S100Z: variants seen among roughly 807,000 people sequenced by gnomAD.
S100Z encodes the protein S100 calcium binding protein Z.
S100Z carries 11 observed loss-of-function variants against 8.5 expected under a neutral mutation model. That is an observed-to-expected ratio of 1.30 (90% CI 0.82 to 2.15). S100Z has a LOEUF of 2.15. S100Z is among the 30% of genes most tolerant of loss of function. The pLI, the probability that S100Z is intolerant of heterozygous loss-of-function variation, is 0.00. For synonymous variants in S100Z, 34 were observed against 43.8 expected, an observed-to-expected ratio of 0.78 and a Z score of 0.89; for missense variants, 126 against 117.9, an observed-to-expected ratio of 1.07 and a Z score of -0.32.
chr5:76,945,757 A>G, the S100Z span, among the ~76,000 whole-genome samples: 23 of 152,330 alleles, frequency 1.5e-4, no homozygotes, highest in African/African-American at 5.3e-4. Context: ...TGAGACAGTG[A>G]AAATAGTAAT....
intron 4 of S100Z, among the ~76,000 whole-genome samples, chr5:76,887,118 G>C (rs1346643689): frequency 1.4e-5 from 2 of 147,514 alleles, no homozygotes; most frequent in African/African-American, 5.0e-5. Context: ...TTTTTTTCGA[G>C]ACAGAGTCTT....
chr5:76,906,371 C>T (rs1171758904), intron 4 of S100Z, among the ~76,000 whole-genome samples: 1 of 152,120 alleles, frequency 6.6e-6, no homozygotes, highest in Non-Finnish European at 1.5e-5. Flanking sequence ...AATAGATCTC[C>T]AAAAGTTTTT....
chr5:76,902,662 T>G (rs1744273134), intron 4 of S100Z, among the ~76,000 whole-genome samples: 3 of 152,166 alleles, frequency 2.0e-5, no homozygotes, highest in African/African-American at 7.2e-5. Flanking sequence ...TTGTTTGTTT[T>G]TTTTTCTGTG....
intron 4 of S100Z, among the ~76,000 whole-genome samples, chr5:76,884,314 G>A (rs564969713): frequency 1.6e-4 from 24 of 152,212 alleles, no homozygotes; most frequent in African/African-American, 5.1e-4. Flanking sequence ...ATGTAATCTC[G>A]CCTAGCTATA....
chr5:76,875,546 A>G, intron 3 of S100Z, 46 bp downstream of exon 3: 1 of 1,540,850 alleles, frequency 6.5e-7, no homozygotes, highest in Admixed American at 1.9e-5. Context: ...AGGGTAGATG[A>G]GGTGCAGATT....
chr5:76,937,177 G>C, the S100Z span, among the ~76,000 whole-genome samples: 5 of 151,968 alleles, frequency 3.3e-5, no homozygotes, highest in African/African-American at 1.2e-4. Flanking sequence ...ATTTATGCTT[G>C]CCCCTCAAGA....
At chr5:76,936,631 A>ACACG in the S100Z span, among the ~76,000 whole-genome samples, 1 of 134,270 alleles carries the variant, frequency 7.4e-6, no homozygotes, top group African/African-American at 2.9e-5. Context: ...ACACACACAC[A>ACACG]CACACACACA....
At chr5:76,893,181 C>A (rs1054380259) in intron 4 of S100Z, among the ~76,000 whole-genome samples, 1 of 152,100 alleles carries the variant, frequency 6.6e-6, no homozygotes, top group Non-Finnish European at 1.5e-5. Context: ...CTTTAAACAA[C>A]AGAATGTTTG....
At chr5:76,930,473 A>G in the S100Z span, among the ~76,000 whole-genome samples, 1 of 152,168 alleles carries the variant, frequency 6.6e-6, no homozygotes, top group African/African-American at 2.4e-5. Flanking sequence ...TTTAATTTCC[A>G]TGGTAAGGAG....
chr5:76,946,998 CT>C, the S100Z span, among the ~76,000 whole-genome samples: 12,193 of 152,266 alleles, frequency 0.08, 809 homozygotes, highest in African/African-American at 0.18. Context: ...ATCCTACCCC[CT>C]GGCCTCTGGG....
At chr5:76,922,892 T>C (rs1332605757), downstream of S100Z, among the ~76,000 whole-genome samples, 2 of 152,136 alleles carry the variant, frequency 1.3e-5, no homozygotes, top group Middle Eastern at 3.2e-3. Flanking sequence ...CATGCACATA[T>C]ATGCATCTTA....
At chr5:76,877,417 C>A (rs1263155506) in intron 3 of S100Z, among the ~76,000 whole-genome samples, 1 of 152,158 alleles carries the variant, frequency 6.6e-6, no homozygotes, top group African/African-American at 2.4e-5. Flanking sequence ...TAGCAACAGT[C>A]ACTCACTTTG....
At chr5:76,909,308 GAA>G (rs1173557545) in intron 4 of S100Z, among the ~76,000 whole-genome samples, 1 of 152,072 alleles carries the variant, frequency 6.6e-6, no homozygotes, top group Non-Finnish European at 1.5e-5. Context: ...CATAAACCCT[GAA>G]AAAGAGGCAG....
At chr5:76,850,844 A>C (rs1425858247) in intron 1 of S100Z, among the ~76,000 whole-genome samples, 1 of 151,982 alleles carries the variant, frequency 6.6e-6, no homozygotes, top group East Asian at 1.9e-4. Context: ...TCTGAGATGG[A>C]GTTTCACTCT....
rs573149229 is a variant in S100Z at position 76,900,014 on chromosome 5, G to C, written c.*3-20703G>C. 7.9e-5 allele frequency among the ~76,000 whole-genome samples: 12 copies of C among 152,284 alleles called. No homozygotes were observed. The South Asian group carries it at 1.9e-3, about 24-fold the overall frequency. On this transcript the variant is annotated intron_variant, in intron 4 of 4. Coordinates refer to ENST00000317593, the MANE Select transcript of S100Z (RefSeq NM_130772.4). ...GGATATTTTCACTGGATATACTATT[G>C]TAGGGTAAAAGCTTTTTTCCTTCAG... is the stretch of plus-strand genomic sequence containing the variant.
At chr5:76,942,905 C>G in the S100Z span, among the ~76,000 whole-genome samples, 1 of 152,202 alleles carries the variant, frequency 6.6e-6, no homozygotes, top group African/African-American at 2.4e-5. Flanking sequence ...TTATCTATTC[C>G]TGAATAATGC....
intron 4 of S100Z, among the ~76,000 whole-genome samples, chr5:76,900,517 C>G (rs958694603): frequency 2.0e-5 from 3 of 152,188 alleles, no homozygotes; most frequent in African/African-American, 4.8e-5. Flanking sequence ...TATTAAAGGA[C>G]TCTGATATAT....
At chr5:76,890,735 G>A (rs749511414) in intron 4 of S100Z, among the ~76,000 whole-genome samples, 1 of 152,194 alleles carries the variant, frequency 6.6e-6, no homozygotes, top group South Asian at 2.1e-4. Context: ...GTGTCCAAGG[G>A]CATGAGATGG....
chr5:76,871,154 A>C (rs1289858261), intron 2 of S100Z, among the ~76,000 whole-genome samples: 1 of 152,106 alleles, frequency 6.6e-6, no homozygotes, highest in East Asian at 1.9e-4. Flanking sequence ...CACATGACAG[A>C]TAGCAGACCA....
Sources: allele counts gnomAD v4.1 joint callset (sites outside exome capture counted in the v4.1 genomes callset), GRCh38; gene constraint gnomAD v4.1.1; transcripts MANE v1.5; gene names NCBI Gene and HGNC (gene_info 2026-07-23, HGNC 2026-07-21).